The following FAM91A1 variants were observed in gnomAD, a reference collection of about 807,000 sequenced individuals.
FAM91A1 encodes the protein family with sequence similarity 91 member A1, also known as protein FAM91A1.
FAM91A1 carries 41 observed loss-of-function variants against 113.5 expected under a neutral mutation model. The ratio of observed to expected loss-of-function variants is 0.36; its 90% confidence interval spans 0.28 to 0.47. FAM91A1 has a LOEUF of 0.47. Among genes scored for constraint, FAM91A1 ranks in the 20% least tolerant of loss-of-function variants. The pLI is 1.00. For synonymous variants in FAM91A1, 307 were observed against 347.9 expected (o/e 0.88, Z 1.31); for missense variants, 696 against 1,001.2 (o/e 0.70, Z 4.11).
chr8:123,791,466 C>T (rs2130107259), intron 15 of FAM91A1, among the ~76,000 whole-genome samples: 1 of 152,172 alleles, frequency 6.6e-6, no homozygotes, highest in Admixed American at 6.5e-5. Context: ...AACCTATTCT[C>T]TATGAAAATA....
intron 8 of FAM91A1, among the ~76,000 whole-genome samples, chr8:123,781,092 A>G (rs970800530): frequency 2.2e-4 from 33 of 152,182 alleles, no homozygotes; most frequent in African/African-American, 7.7e-4. Flanking sequence ...TGCCACTACA[A>G]TACTGATATG....
In FAM91A1 at chr8:123,813,033, T is replaced by G. The variant is rs1293463830; in HGVS notation, c.*329T>G. The G allele has an allele frequency of 5.6e-6, 1 of 179,398 alleles. No homozygotes were observed. Among genetic ancestry groups the G allele is most frequent in the African/African-American group, 2.3e-5 (1 of 42,604 alleles). The allele number at this position is 179,398 out of a possible 1,614,324, so 11.1% of individuals were successfully genotyped here. ...ACTATGAAAATTGCAATGGTAATTT[T>G]ATATGTTAGTTTATCAAACATAAAT... On this transcript the variant is annotated 3_prime_UTR_variant, in exon 24 of 24. Coordinates refer to ENST00000334705, the MANE Select transcript of FAM91A1 (RefSeq NM_144963.4).
At position 123,814,387 on chromosome 8, in the gene FAM91A1, C is replaced by G; in HGVS notation, c.*1683C>G. On this transcript the variant is annotated 3_prime_UTR_variant, in exon 24 of 24. Coordinates refer to ENST00000334705, the MANE Select transcript of FAM91A1 (RefSeq NM_144963.4). ...GGCTCTTTAATCTCATTTTAATTTCCTTTGTTTGAACTGTAGTTATTTTAT... is the reference window on the plus strand; with the variant it reads ...GGCTCTTTAATCTCATTTTAATTTCGTTTGTTTGAACTGTAGTTATTTTAT... 1 of 206,446 alleles carries G rather than the reference C, an allele frequency of 4.8e-6. No individual in the cohort carries two copies. The highest frequency in any genetic ancestry group is 6.7e-5 in the South Asian group (1 of 14,980). The allele number at this position is 206,446 out of a possible 1,614,324, so 12.8% of individuals were successfully genotyped here.
intron 1 of FAM91A1, among the ~76,000 whole-genome samples, chr8:123,770,330 G>T (rs1325718161): frequency 6.6e-6 from 1 of 152,120 alleles, no homozygotes; most frequent in Non-Finnish European, 1.5e-5. Context: ...GAATATTAAG[G>T]TTCTGGTCAT....
At chr8:123,789,407 T>G (rs1334868294) in intron 14 of FAM91A1, among the ~76,000 whole-genome samples, 1 of 152,224 alleles carries the variant, frequency 6.6e-6, no homozygotes, top group African/African-American at 2.4e-5. Flanking sequence ...ATTGTTAGTC[T>G]TAGTTGAAGT....
intron 9 of FAM91A1, 104 bp downstream of exon 9, chr8:123,784,680 T>A: frequency 1.4e-6 from 1 of 698,364 alleles, no homozygotes; most frequent in Non-Finnish European, 2.3e-6. Flanking sequence ...AATCTCCATG[T>A]GGGGAGATCA....
At chr8:123,770,028 C>T (rs1814801518) in intron 1 of FAM91A1, among the ~76,000 whole-genome samples, 1 of 152,120 alleles carries the variant, frequency 6.6e-6, no homozygotes, top group Non-Finnish European at 1.5e-5. Context: ...TCTCCGCTCA[C>T]TGCAAACTCT....
chr8:123,805,393 G>A, intron 19 of FAM91A1, 54 bp downstream of exon 19: 1 of 1,349,320 alleles, frequency 7.4e-7, no homozygotes, highest in Non-Finnish European at 1.0e-6. Context: ...TATTACTCAT[G>A]TCAACAGTTT....
intron 8 of FAM91A1, among the ~76,000 whole-genome samples, chr8:123,782,626 A>G (rs996337950): frequency 6.6e-6 from 1 of 152,216 alleles, no homozygotes; most frequent in African/African-American, 2.4e-5. Flanking sequence ...AAATAGTCTG[A>G]AAATTCTTGA....
chr8:123,806,265 T>C (rs770386650), intron 20 of FAM91A1, 36 bp downstream of exon 20: 14 of 1,582,960 alleles, frequency 8.8e-6, no homozygotes, highest in Non-Finnish European at 1.0e-5. Flanking sequence ...ATTAAGATAA[T>C]TGGTTTTGAG....
intron 21 of FAM91A1, chr8:123,808,636 G>T (rs1179106558): frequency 1.0e-5 from 5 of 492,510 alleles, no homozygotes; most frequent in African/African-American, 9.9e-5. Context: ...TCTTTTTTGG[G>T]CAAATGACTA....
At chr8:123,776,213 T>C (rs2130050178) in intron 3 of FAM91A1, among the ~76,000 whole-genome samples, 1 of 152,368 alleles carries the variant, frequency 6.6e-6, no homozygotes, top group Admixed American at 6.5e-5. Context: ...CAAGTGAGCT[T>C]TATTAAAGAT....
Position 123,804,833 on chromosome 8 carries a change from C to T in FAM91A1, c.1810-434C>T, listed in dbSNP as rs545783522. ...TTTCCAATTATATGTAATTATTTATCGTAGCAAGTAATTCTGAATATATTT... is the reference window on the plus strand; with the variant it reads ...TTTCCAATTATATGTAATTATTTATTGTAGCAAGTAATTCTGAATATATTT... On this transcript the variant is annotated intron_variant, in intron 18 of 23. Coordinates refer to ENST00000334705, the MANE Select transcript of FAM91A1 (RefSeq NM_144963.4). Among the ~76,000 whole-genome samples the T allele has an allele frequency of 1.3e-4, 20 of 152,266 alleles. No individual in the cohort carries two copies. The East Asian group carries it at 2.7e-3, about 21-fold the overall frequency.
At position 123,814,911 on chromosome 8, in the gene FAM91A1, G is replaced by A. The variant is rs1816039076; in HGVS notation, c.*2207G>A. ...CAAAGAAGATTCATGAAAAATTTAC[G>A]TCCAATTATTTTGCAAATAGTTAAT... On this transcript the variant is annotated 3_prime_UTR_variant, in exon 24 of 24. Transcript: ENST00000334705. 3 of 152,516 alleles carry A rather than the reference G, an allele frequency of 2.0e-5. No individual in the cohort carries two copies. The highest frequency in any genetic ancestry group is 1.3e-4 in the Admixed American group (2 of 15,252). The allele number at this position is 152,516 out of a possible 1,614,324, so 9.4% of individuals were successfully genotyped here.
In FAM91A1 at chr8:123,814,764, C is replaced by T. The variant is rs536906049; in HGVS notation, c.*2060C>T. The stretch of plus-strand genomic sequence containing the variant: ...AAAATGTGAAAAGCTGATGTTTGCG[C>T]CTTGCTTTGTGAATTTGGCTTTGTT... On this transcript the variant is annotated 3_prime_UTR_variant, in exon 24 of 24. Coordinates refer to ENST00000334705, the MANE Select transcript of FAM91A1 (RefSeq NM_144963.4). 6.6e-6 allele frequency: 1 copy of T among 152,564 alleles called. No individual in the cohort carries two copies. The highest frequency in any genetic ancestry group is 2.4e-5 in the African/African-American group (1 of 41,422). The allele number at this position is 152,564 out of a possible 1,614,324, so 9.5% of individuals were successfully genotyped here.
intron 15 of FAM91A1, among the ~76,000 whole-genome samples, chr8:123,796,924 G>A (rs561136439): frequency 6.6e-6 from 1 of 151,884 alleles, no homozygotes; most frequent in East Asian, 2.0e-4. Flanking sequence ...ACCTGGGTGT[G>A]GTGGCGCGCA....
chr8:123,786,886 G>A (rs1433491288), intron 12 of FAM91A1, among the ~76,000 whole-genome samples: 1 of 152,172 alleles, frequency 6.6e-6, no homozygotes, highest in Non-Finnish European at 1.5e-5. Context: ...TGCTTGTAGG[G>A]TGCAAAGAGG....
At chr8:123,769,345 C>CA (rs1319922563) in intron 1 of FAM91A1, among the ~76,000 whole-genome samples, 4 of 152,192 alleles carry the variant, frequency 2.6e-5, no homozygotes, top group Non-Finnish European at 5.9e-5. Context: ...GAACATGTCT[C>CA]ATGAGTAGCA....
At chr8:123,802,803 G>A (rs1428091755) in intron 18 of FAM91A1, among the ~76,000 whole-genome samples, 1 of 152,186 alleles carries the variant, frequency 6.6e-6, no homozygotes, top group African/African-American at 2.4e-5. Flanking sequence ...AGTAATCTTA[G>A]ACAAGTTAAA....
Sources: allele counts gnomAD v4.1 joint callset (sites outside exome capture counted in the v4.1 genomes callset), GRCh38; gene constraint gnomAD v4.1.1; transcripts MANE v1.5; gene names NCBI Gene and HGNC (gene_info 2026-07-23, HGNC 2026-07-21).